SLC25A21: variants seen among roughly 807,000 people sequenced by gnomAD.
The protein encoded by SLC25A21 is solute carrier family 25 member 21, also known as mitochondrial 2-oxodicarboxylate carrier.
In SLC25A21, 47 loss-of-function variants were observed where a neutral mutation model predicts 43.8. The ratio of observed to expected loss-of-function variants is 1.07; its 90% confidence interval spans 0.85 to 1.37. The LOEUF is 1.37. Ranked by LOEUF, SLC25A21 falls within the 40% of genes most tolerant of loss-of-function variation. The probability of loss-of-function intolerance (pLI) is 0.00; values close to 1 mark genes in which losing one functional copy is unlikely to be tolerated. For missense variants in SLC25A21, 352 were observed against 350.2 expected, an observed-to-expected ratio of 1.00 and a Z score of -0.04; for synonymous variants, 131 against 121.3, an observed-to-expected ratio of 1.08 and a Z score of -0.52.
At chr14:36,694,491 C>T (rs985802043) in intron 7 of SLC25A21, among the ~76,000 whole-genome samples, 1 of 152,268 alleles carries the variant, frequency 6.6e-6, no homozygotes, top group Admixed American at 6.5e-5. Context: ...TCGCCACTGT[C>T]TTCCACAATG....
In SLC25A21 at chr14:36,722,010, G is replaced by C. The variant is rs1384249923; in HGVS notation, c.438+3560C>G. Among the ~76,000 whole-genome samples, 13 of 152,200 alleles carry C rather than the reference G, an allele frequency of 8.5e-5. No homozygotes were observed. The East Asian group carries it at 2.1e-3, about 25-fold the overall frequency. The stretch of plus-strand genomic sequence containing the variant: ...CTCTATTCCAGTCTCCTCTCCAGAG[G>C]TATGAATTTCAGTATGAATTCCTAT... On this transcript the variant is annotated intron_variant, in intron 6 of 9. Transcript: ENST00000331299.
At chr14:36,935,625 T>G (rs1224110362) in intron 1 of SLC25A21, among the ~76,000 whole-genome samples, 1 of 152,186 alleles carries the variant, frequency 6.6e-6, no homozygotes, top group Non-Finnish European at 1.5e-5. Flanking sequence ...TTGTCCTCAC[T>G]GTCATCTCCT....
intron 1 of SLC25A21, among the ~76,000 whole-genome samples, chr14:36,913,564 C>T (rs1412521583): frequency 1.3e-5 from 2 of 152,162 alleles, no homozygotes; most frequent in Admixed American, 1.3e-4. Flanking sequence ...GTGTGAGCCA[C>T]CACACCAGGC....
intron 1 of SLC25A21, among the ~76,000 whole-genome samples, chr14:36,998,896 C>T (rs555735802): frequency 6.5e-4 from 99 of 152,166 alleles, no homozygotes; most frequent in African/African-American, 1.8e-3. Flanking sequence ...AGAACCCCAA[C>T]AATGCCAAAC....
At chr14:36,766,944 C>A (rs556716433) in intron 3 of SLC25A21, among the ~76,000 whole-genome samples, 9 of 152,302 alleles carry the variant, frequency 5.9e-5, no homozygotes, top group Admixed American at 2.0e-4. Context: ...CTACTGCGGT[C>A]AATATCTCCA....
chr14:36,725,819 C>T (rs369283789), intron 5 of SLC25A21, 142 bp from the exon 6 acceptor site: 1 of 380,224 alleles, frequency 2.6e-6, no homozygotes. Context: ...CATTACTAAA[C>T]AGCTTTAGTT....
chr14:36,692,342 G>A (rs1882825968), intron 7 of SLC25A21, among the ~76,000 whole-genome samples: 1 of 152,182 alleles, frequency 6.6e-6, no homozygotes, highest in African/African-American at 2.4e-5. Context: ...TCAGAAACGT[G>A]ATCATATGAC....
At chr14:36,765,893 G>T (rs1886394675) in intron 3 of SLC25A21, among the ~76,000 whole-genome samples, 1 of 152,058 alleles carries the variant, frequency 6.6e-6, no homozygotes, top group Admixed American at 6.6e-5. Context: ...TACCTATCTG[G>T]ACTGCCCACT....
chr14:37,118,486 G>T (rs1963147180), intron 1 of SLC25A21, among the ~76,000 whole-genome samples: 1 of 152,152 alleles, frequency 6.6e-6, no homozygotes, highest in Admixed American at 6.6e-5. Context: ...TGTTTAACTG[G>T]TTCTGAATAT....
At chr14:36,888,578 T>A (rs991505823) in intron 1 of SLC25A21, among the ~76,000 whole-genome samples, 1 of 152,116 alleles carries the variant, frequency 6.6e-6, no homozygotes, top group Non-Finnish European at 1.5e-5. Flanking sequence ...GTGAGATATG[T>A]AATGTGTCCA....
At chr14:36,936,192 C>A (rs1473778057) in intron 1 of SLC25A21, among the ~76,000 whole-genome samples, 1 of 152,158 alleles carries the variant, frequency 6.6e-6, no homozygotes, top group Non-Finnish European at 1.5e-5. Flanking sequence ...ACAGTCCACA[C>A]CCATCCTGAT....
chr14:37,083,639 T>C (rs1182303810), intron 1 of SLC25A21, among the ~76,000 whole-genome samples: 1 of 152,154 alleles, frequency 6.6e-6, no homozygotes, highest in Non-Finnish European at 1.5e-5. Flanking sequence ...GTGTCTAAAG[T>C]ACTGTCTCTA....
intron 1 of SLC25A21, among the ~76,000 whole-genome samples, chr14:37,143,237 T>G (rs1963600426): frequency 6.6e-6 from 1 of 152,232 alleles, no homozygotes; most frequent in Non-Finnish European, 1.5e-5. Flanking sequence ...ATGCAATGCT[T>G]CTAACCAGCT....
At chr14:36,765,173 T>C (rs965646478) in intron 3 of SLC25A21, among the ~76,000 whole-genome samples, 1 of 152,204 alleles carries the variant, frequency 6.6e-6, no homozygotes, top group African/African-American at 2.4e-5. Context: ...TGCTAAGAAG[T>C]CTGACTAATC....
chr14:36,936,769 G>C (rs1207961431), intron 1 of SLC25A21, among the ~76,000 whole-genome samples: 1 of 152,110 alleles, frequency 6.6e-6, no homozygotes, highest in Non-Finnish European at 1.5e-5. Context: ...CTTTGTCCTT[G>C]TAGATCCAGA....
chr14:37,034,660 A>G (rs2138773768), intron 1 of SLC25A21, among the ~76,000 whole-genome samples: 1 of 152,302 alleles, frequency 6.6e-6, no homozygotes, highest in South Asian at 2.1e-4. Context: ...GCGTGCATCC[A>G]CCAACTCACT....
chr14:36,698,068 C>T (rs1051683345), intron 7 of SLC25A21, among the ~76,000 whole-genome samples: 29 of 152,076 alleles, frequency 1.9e-4, no homozygotes, highest in South Asian at 6.2e-4. Flanking sequence ...TTTCTTTCCA[C>T]GTTTAGTGCT....
chr14:36,970,061 G>A (rs1261338132), intron 1 of SLC25A21, among the ~76,000 whole-genome samples: 1 of 152,050 alleles, frequency 6.6e-6, no homozygotes, highest in Non-Finnish European at 1.5e-5. Flanking sequence ...ATCTCCTTTG[G>A]ATTCTACTCA....
At chr14:36,696,707 T>C (rs982273314) in intron 7 of SLC25A21, among the ~76,000 whole-genome samples, 3 of 152,238 alleles carry the variant, frequency 2.0e-5, no homozygotes, top group African/African-American at 7.2e-5. Context: ...GAGGTGTTTA[T>C]AGTATTCTCT....
Sources: gnomAD v4.1 joint callset for allele counts (sites outside exome capture counted in the v4.1 genomes callset) on GRCh38, gnomAD v4.1.1 for gene constraint, MANE v1.5 for transcripts, NCBI Gene and HGNC (gene_info 2026-07-23, HGNC 2026-07-21) for gene names.